The following CTNND2 variants were observed in gnomAD, a reference collection of about 807,000 sequenced individuals.
CTNND2 encodes the protein catenin delta-2.
A neutral mutation model predicts 144.4 loss-of-function variants in CTNND2; 22 were observed. That is an observed-to-expected ratio of 0.15 (90% CI 0.11 to 0.22). CTNND2 has a LOEUF of 0.22. CTNND2 is among the 10% of genes least tolerant of loss of function. The probability of loss-of-function intolerance (pLI) is 1.00; values close to 1 mark genes in which losing one functional copy is unlikely to be tolerated. For missense variants in CTNND2, 1,353 were observed against 1,618.8 expected (o/e 0.84, Z 2.82); for synonymous variants, 751 against 695.6 (o/e 1.08, Z -1.25).
At chr5:11,344,658 A>G (rs1214502839) in intron 9 of CTNND2, among the ~76,000 whole-genome samples, 1 of 152,122 alleles carries the variant, frequency 6.6e-6, no homozygotes. Flanking sequence ...CGCATACAAA[A>G]GCTTAGTGGT....
intron 2 of CTNND2, among the ~76,000 whole-genome samples, chr5:11,721,958 T>G (rs1786715192): frequency 6.6e-6 from 1 of 152,186 alleles, no homozygotes; most frequent in South Asian, 2.1e-4. Flanking sequence ...CATAGGAAAT[T>G]GTGATCTAGC....
intron 1 of CTNND2, among the ~76,000 whole-genome samples, chr5:11,769,850 G>A (rs913829666): frequency 3.3e-5 from 5 of 152,206 alleles, no homozygotes; most frequent in African/African-American, 4.8e-5. Context: ...CAACACTGTC[G>A]ACACATAATT....
intron 3 of CTNND2, among the ~76,000 whole-genome samples, chr5:11,458,982 C>T (rs1000661221): frequency 6.6e-6 from 1 of 151,898 alleles, no homozygotes; most frequent in Admixed American, 6.6e-5. Flanking sequence ...GTTCCCCACC[C>T]TGGTCTTGAA....
chr5:11,547,914 G>A (rs1372855200), intron 3 of CTNND2, among the ~76,000 whole-genome samples: 1 of 152,082 alleles, frequency 6.6e-6, no homozygotes, highest in Non-Finnish European at 1.5e-5. Context: ...CCACTTGCAC[G>A]CCCACACAAG....
chr5:11,832,543 T>C (rs1431794795), intron 1 of CTNND2, among the ~76,000 whole-genome samples: 3 of 151,992 alleles, frequency 2.0e-5, no homozygotes, highest in South Asian at 4.2e-4. Context: ...AGTTAGAAAA[T>C]AGAACATAAA....
chr5:11,346,497 G>T lies in CTNND2; in HGVS notation c.1503C>A (p.Asp501Glu). The part of the protein sequence containing the change: ...YAAGPASNYA[D>E]PYRQLQYCPS... ...GACAATACTGCAGCTGTCGGTAGGG[G>T]TCCGCGTAATTGGAGGCTGGGCCGG... Residue 501 changes from aspartate (D) to glutamate (E), a missense_variant, in exon 9 of 22, where the codon GAC becomes GAA. By Grantham distance (45) the Asp-to-Glu change is conservative. Transcript: ENST00000304623. 1 of 1,606,534 alleles carries T rather than the reference G, an allele frequency of 6.2e-7. No individual in the cohort carries two copies. The highest frequency in any genetic ancestry group is 8.5e-7 in the Non-Finnish European group (1 of 1,176,766).
At chr5:11,656,722 T>C (rs76286712) in intron 2 of CTNND2, among the ~76,000 whole-genome samples, 1,658 of 152,258 alleles carry the variant, frequency 0.011, 14 homozygotes, top group East Asian at 0.057. Flanking sequence ...ACCAGCTTTG[T>C]AACTATGCAA....
intron 18 of CTNND2, among the ~76,000 whole-genome samples, chr5:11,005,807 G>A (rs1233130004): frequency 6.6e-6 from 1 of 152,220 alleles, no homozygotes; most frequent in Non-Finnish European, 1.5e-5. Context: ...GTGTTAAACA[G>A]TGAAGACCAG....
At chr5:11,265,102 T>C (rs1561119484) in intron 9 of CTNND2, among the ~76,000 whole-genome samples, 1 of 151,980 alleles carries the variant, frequency 6.6e-6, no homozygotes, top group Non-Finnish European at 1.5e-5. Context: ...AAAAGAAAGA[T>C]ATCAACAAGT....
chr5:11,213,067 A>G (rs1282951016), intron 10 of CTNND2, among the ~76,000 whole-genome samples: 2 of 152,116 alleles, frequency 1.3e-5, no homozygotes, highest in African/African-American at 4.8e-5. Flanking sequence ...TTTTCCTGAC[A>G]CCTAGAAATT....
At chr5:11,876,171 T>G (rs1032126891) in intron 1 of CTNND2, among the ~76,000 whole-genome samples, 2 of 151,730 alleles carry the variant, frequency 1.3e-5, no homozygotes, top group African/African-American at 2.4e-5. Flanking sequence ...AATGGTATGA[T>G]TTCAGATAGA....
intron 5 of CTNND2, among the ~76,000 whole-genome samples, chr5:11,401,300 G>A (rs1760630938): frequency 6.6e-6 from 1 of 152,182 alleles, no homozygotes; most frequent in Non-Finnish European, 1.5e-5. Context: ...GTTTTAAAGA[G>A]ACTTTATTTG....
chr5:11,490,681 G>T (rs1213347675), intron 3 of CTNND2, among the ~76,000 whole-genome samples: 1 of 152,046 alleles, frequency 6.6e-6, no homozygotes, highest in Non-Finnish European at 1.5e-5. Flanking sequence ...GTTTTTCATT[G>T]CTTAGATAAT....
At chr5:11,511,725 C>T (rs1189143796) in intron 3 of CTNND2, among the ~76,000 whole-genome samples, 1 of 152,126 alleles carries the variant, frequency 6.6e-6, no homozygotes, top group African/African-American at 2.4e-5. Context: ...AATCCTCCCC[C>T]ATTGTGAATT....
chr5:11,294,385 C>T (rs1458530391), intron 9 of CTNND2, among the ~76,000 whole-genome samples: 1 of 152,248 alleles, frequency 6.6e-6, no homozygotes, highest in African/African-American at 2.4e-5. Context: ...GAACTAGCCA[C>T]TTTTTCATGG....
At chr5:11,606,154 C>G (rs376092613) in intron 2 of CTNND2, among the ~76,000 whole-genome samples, 1 of 152,152 alleles carries the variant, frequency 6.6e-6, no homozygotes, top group Non-Finnish European at 1.5e-5. Flanking sequence ...AAGAATGATT[C>G]TTAGCCACCA....
In CTNND2 at chr5:11,402,388, G is replaced by A. The variant is rs866410999; in HGVS notation, c.440-5185C>T. Among the ~76,000 whole-genome samples, 6 of 152,288 alleles carry A rather than the reference G, an allele frequency of 3.9e-5. No individual in the cohort carries two copies. In the Middle Eastern group the frequency reaches 0.017, roughly 432 times the overall value. On this transcript the variant is annotated intron_variant, in intron 5 of 21. Coordinates refer to ENST00000304623, the MANE Select transcript of CTNND2 (RefSeq NM_001332.4). ...CATTACAAAATCAATGAGAAAAATT[G>A]TTGATTATTTCTAAAATTACCAAAC...
At chr5:11,222,966 T>C (rs977823031) in intron 10 of CTNND2, among the ~76,000 whole-genome samples, 14 of 152,128 alleles carry the variant, frequency 9.2e-5, no homozygotes, top group African/African-American at 3.1e-4. Flanking sequence ...TCCTTTCTCA[T>C]TGGAGGTGGG....
intron 3 of CTNND2, among the ~76,000 whole-genome samples, chr5:11,484,496 C>T (rs1196623662): frequency 6.6e-6 from 1 of 152,112 alleles, no homozygotes; most frequent in Non-Finnish European, 1.5e-5. Flanking sequence ...CATTTCTGTA[C>T]TAAGAAAAAC....
Sources: gnomAD v4.1 joint callset for allele counts (sites outside exome capture counted in the v4.1 genomes callset) on GRCh38, gnomAD v4.1.1 for gene constraint, MANE v1.5 for transcripts, NCBI Gene and HGNC (gene_info 2026-07-23, HGNC 2026-07-21) for gene names.